PPP4R2: variants seen among roughly 807,000 people sequenced by gnomAD.
The protein encoded by PPP4R2 is serine/threonine-protein phosphatase 4 regulatory subunit 2.
In PPP4R2, 13 loss-of-function variants were observed where a neutral mutation model predicts 47.2. The ratio of observed to expected loss-of-function variants is 0.28; its 90% CI spans 0.18 to 0.44. The LOEUF is 0.44. Ranked by LOEUF, PPP4R2 falls within the 20% of genes least tolerant of loss-of-function variation. The pLI is 1.00. For synonymous variants in PPP4R2, 151 were observed against 163.3 expected, an observed-to-expected ratio of 0.92 and a Z score of 0.57; for missense variants, 421 against 491.2, an observed-to-expected ratio of 0.86 and a Z score of 1.35.
intron 2 of PPP4R2, among the ~76,000 whole-genome samples, chr3:72,999,620 A>G (rs1237440536): frequency 1.3e-5 from 2 of 152,244 alleles, no homozygotes; most frequent in Non-Finnish European, 2.9e-5. Flanking sequence ...CTATAAATGT[A>G]TAAATAATTG....
chr3:73,032,566 C>T (rs1241731958), intron 2 of PPP4R2, among the ~76,000 whole-genome samples: 1 of 152,168 alleles, frequency 6.6e-6, no homozygotes, highest in African/African-American at 2.4e-5. Flanking sequence ...GGATTACAGG[C>T]GTGAGCCACC....
intron 2 of PPP4R2, among the ~76,000 whole-genome samples, chr3:73,034,971 C>T (rs774642781): frequency 8.6e-5 from 13 of 152,016 alleles, no homozygotes; most frequent in African/African-American, 1.2e-4. Context: ...AAAAAGCTTC[C>T]GCACAAGGGA....
At chr3:73,005,890 A>G (rs148983059) in intron 2 of PPP4R2, among the ~76,000 whole-genome samples, 1,905 of 151,986 alleles carry the variant, frequency 0.013, 26 homozygotes, top group Non-Finnish European at 0.017. Flanking sequence ...CACTGTATTT[A>G]TTCGAAATGT....
chr3:73,026,632 C>G (rs1702069773), intron 2 of PPP4R2, among the ~76,000 whole-genome samples: 1 of 151,994 alleles, frequency 6.6e-6, no homozygotes, highest in African/African-American at 2.4e-5. Flanking sequence ...TGCATGCAGC[C>G]CAGGGCAGCT....
chr3:73,021,345 C>T (rs756817325), intron 2 of PPP4R2, among the ~76,000 whole-genome samples: 2 of 151,656 alleles, frequency 1.3e-5, no homozygotes, highest in Non-Finnish European at 2.9e-5. Context: ...GTGATCCTCC[C>T]GCCTCAGCCT....
chr3:73,063,467 TA>T (rs1183652470), intron 5 of PPP4R2: 136 of 451,212 alleles, frequency 3.0e-4, no homozygotes, highest in Middle Eastern at 6.5e-4. Flanking sequence ...CTACTAAAAA[TA>T]AAAAAAATAG....
At chr3:73,041,199 G>A (rs573308578) in intron 2 of PPP4R2, among the ~76,000 whole-genome samples, 12 of 152,044 alleles carry the variant, frequency 7.9e-5, no homozygotes, top group Non-Finnish European at 1.3e-4. Flanking sequence ...GTGCTTCTCC[G>A]CTCTCTTCTG....
At chr3:72,998,920 G>C (rs1701406339) in intron 2 of PPP4R2, among the ~76,000 whole-genome samples, 1 of 152,124 alleles carries the variant, frequency 6.6e-6, no homozygotes, top group African/African-American at 2.4e-5. Flanking sequence ...GCAGGAAAGG[G>C]GTAGGTTTCT....
At chr3:73,060,951 G>A in intron 4 of PPP4R2, 72 bp from the exon 5 acceptor site, 6 of 1,078,270 alleles carry the variant, frequency 5.6e-6, no homozygotes, top group Non-Finnish European at 8.0e-6. Context: ...AGTGATTTTA[G>A]AAACAAAAAT....
chr3:73,038,350 T>G (rs1470771242), intron 2 of PPP4R2, among the ~76,000 whole-genome samples: 3 of 152,130 alleles, frequency 2.0e-5, no homozygotes, highest in African/African-American at 7.2e-5. Context: ...TAGTAATAGA[T>G]TCTAGGGACA....
At chr3:73,063,200 G>T (rs1475818597) in intron 5 of PPP4R2, 3 of 390,402 alleles carry the variant, frequency 7.7e-6, no homozygotes, top group Non-Finnish European at 9.6e-6. Flanking sequence ...GTTATACCAG[G>T]ATCAACCATC....
At chr3:73,041,714 A>G (rs1575870727) in intron 2 of PPP4R2, among the ~76,000 whole-genome samples, 1 of 152,238 alleles carries the variant, frequency 6.6e-6, no homozygotes, top group Non-Finnish European at 1.5e-5. Flanking sequence ...TGCAATGCAG[A>G]TAGGCTGAGT....
intron 4 of PPP4R2, among the ~76,000 whole-genome samples, chr3:73,059,688 C>T (rs1410514057): frequency 6.6e-6 from 1 of 151,840 alleles, no homozygotes; most frequent in Non-Finnish European, 1.5e-5. Context: ...CCTGTAATTC[C>T]AGCACTTTGG....
chr3:73,005,157 G>T (rs867121818), intron 2 of PPP4R2, among the ~76,000 whole-genome samples: 1 of 152,160 alleles, frequency 6.6e-6, no homozygotes, highest in East Asian at 1.9e-4. Context: ...TGGCCAGGCT[G>T]GTCTCAAACT....
intron 2 of PPP4R2, among the ~76,000 whole-genome samples, chr3:73,005,056 A>G (rs1293837037): frequency 2.0e-5 from 3 of 150,152 alleles, no homozygotes; most frequent in African/African-American, 7.4e-5. Context: ...GCTAACCGCA[A>G]TCTCCGCCTC....
intron 2 of PPP4R2, among the ~76,000 whole-genome samples, chr3:73,019,954 G>T (rs1701925219): frequency 6.6e-6 from 1 of 152,042 alleles, no homozygotes; most frequent in African/African-American, 2.4e-5. Flanking sequence ...TTCTGCCAAG[G>T]TGTAGGCTTC....
intron 2 of PPP4R2, among the ~76,000 whole-genome samples, chr3:73,041,651 T>C (rs1702382335): frequency 6.6e-6 from 1 of 152,192 alleles, no homozygotes; most frequent in Non-Finnish European, 1.5e-5. Flanking sequence ...TAGCTAATAG[T>C]AGTAGGACTC....
rs1161258081 is a variant in PPP4R2 at position 73,065,377 on chromosome 3, C to G, written c.929-20C>G. 1 of 1,556,766 alleles carries G rather than the reference C, an allele frequency of 6.4e-7. No homozygotes were observed. The highest frequency in any genetic ancestry group is 1.4e-5 in the African/African-American group (1 of 72,334). On this transcript the variant is annotated intron_variant, in intron 8 of 8. Coordinates refer to ENST00000356692, the MANE Select transcript of PPP4R2 (RefSeq NM_174907.4). ...TTTTGAAAATACAATTTAACTACAA[C>G]AACATTTGCTTATTTTTAGAGTCTT...
intron 1 of PPP4R2, chr3:72,997,293 G>C: frequency 2.5e-6 from 1 of 406,300 alleles, no homozygotes; most frequent in Non-Finnish European, 4.5e-6. Context: ...TGGGCTGGGG[G>C]AGGGGAGCCG....
Sources: gnomAD v4.1 joint callset for allele counts (sites outside exome capture counted in the v4.1 genomes callset) on GRCh38, gnomAD v4.1.1 for gene constraint, MANE v1.5 for transcripts, NCBI Gene and HGNC (gene_info 2026-07-23, HGNC 2026-07-21) for gene names.